RFC1: variants seen among roughly 807,000 people sequenced by gnomAD.
The protein encoded by RFC1 is replication factor C subunit 1.
In RFC1, 37 loss-of-function variants were observed where a neutral mutation model predicts 137.4. The observed-to-expected ratio is 0.27, with a 90% confidence interval of 0.21 to 0.35. The LOEUF (loss-of-function observed/expected upper bound fraction) is 0.35, where lower values mean the gene tolerates loss of function less well. Ranked by LOEUF, RFC1 falls within the 10% of genes least tolerant of loss-of-function variation. The pLI is 1.00. For missense variants in RFC1, 1,205 were observed against 1,358.5 expected (o/e 0.89, Z 1.78); for synonymous variants, 429 against 455.7 (o/e 0.94, Z 0.75).
At position 39,321,232 on chromosome 4, in the gene RFC1, G is replaced by T. The variant is rs1739504038; in HGVS notation, c.808+55C>A. 29 of 1,310,496 alleles carry T rather than the reference G, an allele frequency of 2.2e-5. No homozygotes were observed. In the East Asian group the frequency reaches 6.7e-4, roughly 30 times the overall value. The allele number at this position is 1,310,496 out of a possible 1,614,324, so 81.2% of individuals were successfully genotyped here. A position where few individuals can be genotyped will look rare whatever the true frequency, so the allele number is the denominator to read the frequency against. ...TAGGATACTTAAACAAGATTATCAT[G>T]AATTTACTTCCATGAAGACAAGTGC... On this transcript the variant is annotated intron_variant, in intron 8 of 24. Transcript: ENST00000349703.
Position 39,291,663 on chromosome 4 carries a change from A to T in RFC1, c.3144T>A (p.Ser1048Arg). The change falls in exon 23 of 25, where the codon AGT becomes AGA. Residue 1048 changes from serine (S) to arginine (R), a missense_variant. Physicochemically the swap from Ser to Arg is moderately radical, Grantham distance 110 (BLOSUM62 -1). Coordinates refer to ENST00000349703, the MANE Select transcript of RFC1 (RefSeq NM_002913.5). ...MEISSWGGKP[S>R]PFSKLDPKVK... is the part of the protein sequence containing the mutation. The stretch of plus-strand genomic sequence containing the variant: ...CCTTGGGATCCAGCTTTGAAAAGGG[A>T]CTAGGTTTGCCACCCCAGCTGCTGA... 6.2e-7 allele frequency: 1 copy of T among 1,613,802 alleles called. No homozygotes were observed. Among genetic ancestry groups the T allele is most frequent in the Non-Finnish European group, 8.5e-7 (1 of 1,179,690 alleles).
In RFC1 at chr4:39,308,726, T is replaced by C. The variant is rs562481131; in HGVS notation, c.1795A>G (p.Ile599Val). 6.8e-6 allele frequency: 11 copies of C among 1,614,078 alleles called. No homozygotes were observed. Among genetic ancestry groups the C allele is most frequent in the Non-Finnish European group, 9.3e-6 (11 of 1,180,032 alleles). The part of the protein sequence containing the change: ...KYKPTSLKTI[I>V]GQQGDQSCAN... ...CAGCTCTGGTCACCTTGCTGTCCAA[T>C]TATGGTCTTGAGCGAGGTTGGCTTA... The change falls in exon 13 of 25, where the codon ATT becomes GTT. Residue 599 changes from isoleucine to valine, a missense_variant. This residue lies in a region of RFC1 where 962 missense variants were observed against 1,035.3 expected (regional missense o/e 0.93). Transcript: ENST00000349703.
intron 2 of RFC1, among the ~76,000 whole-genome samples, chr4:39,347,215 T>C (rs981609102): frequency 2.0e-5 from 3 of 152,232 alleles, no homozygotes; most frequent in Non-Finnish European, 2.9e-5. Context: ...TGTTTTTGAA[T>C]GAGCTTAATA....
rs767518528 is a variant in RFC1 at position 39,308,847 on chromosome 4, C to A, written c.1674G>T (p.Gln558His). ...VFWKSLDFKE[Q>H]VAEETSGDSK... ...TGTCACCACTTGTCTCCTCAGCCAC[C>A]TGCTCCTTGAAATCCAGGCTTTTCC... Residue 558 changes from glutamine (Q) to histidine (H), a missense_variant, in exon 13 of 25, where the codon CAG becomes CAT. Coordinates refer to ENST00000349703, the MANE Select transcript of RFC1 (RefSeq NM_002913.5). 6.2e-7 allele frequency: 1 copy of A among 1,614,194 alleles called. No homozygotes were observed. Among genetic ancestry groups the A allele is most frequent in the South Asian group, 1.1e-5 (1 of 91,074 alleles).
At chr4:39,354,111 C>G (rs1741343735) in intron 1 of RFC1, among the ~76,000 whole-genome samples, 1 of 152,222 alleles carries the variant, frequency 6.6e-6, no homozygotes, top group Non-Finnish European at 1.5e-5. Context: ...CTCCCCTAAA[C>G]TCCCCCACAC....
In RFC1 at chr4:39,329,171, A is replaced by G. The variant is rs1739955101; in HGVS notation, c.332-1415T>C. Reference sequence around the variant, plus strand: ...AAAAAAAAGCTTTTCGATTTGGCCTATAAACAAAAGAAATCCAATAAAAAT... The same window carrying G: ...AAAAAAAAGCTTTTCGATTTGGCCTGTAAACAAAAGAAATCCAATAAAAAT... On this transcript the variant is annotated intron_variant, in intron 4 of 24. Transcript: ENST00000349703. 3.1e-5 allele frequency among the ~76,000 whole-genome samples: 4 copies of G among 130,840 alleles called. No individual in the cohort carries two copies. In the Admixed American group the frequency reaches 3.1e-4, roughly 10 times the overall value. The allele number at this position is 130,840 out of a possible 152,430, so 85.8% of individuals were successfully genotyped here. A position where few individuals can be genotyped will look rare whatever the true frequency, so the allele number is the denominator to read the frequency against.
At chr4:39,345,291 G>A (rs556341841) in intron 3 of RFC1, 110 bp downstream of exon 3, 11 of 837,536 alleles carry the variant, frequency 1.3e-5, no homozygotes, top group East Asian at 2.9e-5. Context: ...CTGCGATTGC[G>A]ATTACAGGCA....
At chr4:39,292,767 A>C (rs562986792) in intron 22 of RFC1, among the ~76,000 whole-genome samples, 43 of 151,274 alleles carry the variant, frequency 2.8e-4, no homozygotes, top group African/African-American at 9.5e-4. Context: ...TTAGCCTCCC[A>C]AGTAGCTGGG....
intron 10 of RFC1, among the ~76,000 whole-genome samples, chr4:39,313,621 G>A (rs1396497398): frequency 6.6e-6 from 1 of 152,144 alleles, no homozygotes; most frequent in Non-Finnish European, 1.5e-5. Flanking sequence ...GGATTGTGGT[G>A]TGGCATATCT....
chr4:39,328,839 G>C (rs1560608982), intron 4 of RFC1, among the ~76,000 whole-genome samples: 1 of 152,088 alleles, frequency 6.6e-6, no homozygotes, highest in Non-Finnish European at 1.5e-5. Flanking sequence ...CACTTAGAAA[G>C]CTACTGCAGT....
rs1737952036 is a variant in RFC1, at chr4:39,295,727, C to T, written c.2841G>A (p.Leu947=). The T allele has an allele frequency of 6.2e-7, 1 of 1,613,066 alleles. No individual in the cohort carries two copies. The highest frequency in any genetic ancestry group is 1.1e-5 in the South Asian group (1 of 90,832). Residue 947 remains leucine (L), a synonymous_variant, in exon 22 of 25, where the codon TTG becomes TTA. Transcript: ENST00000349703. ...GAAACTGGGTCATGTACCCCCTCAT[C>T]AACTCTCCAGGAAGAACACTGGCAT... is the stretch of plus-strand genomic sequence containing the variant. The part of the protein sequence containing the change: ...AIYASVLPGE[L]MRGYMTQFPT...
At chr4:39,359,977 C>A (rs1485711296) in intron 1 of RFC1, among the ~76,000 whole-genome samples, 2 of 151,994 alleles carry the variant, frequency 1.3e-5, no homozygotes, top group Non-Finnish European at 2.9e-5. Context: ...AGAACTTACT[C>A]ATGTAACCAA....
chr4:39,342,308 C>T (rs1740639364), intron 4 of RFC1, 37 bp downstream of exon 4: 2 of 1,579,960 alleles, frequency 1.3e-6, no homozygotes, highest in Non-Finnish European at 1.7e-6. Context: ...AAGAACATAA[C>T]ACACACGGCA....
At chr4:39,307,224 A>G (rs981184426) in intron 13 of RFC1, among the ~76,000 whole-genome samples, 1 of 152,224 alleles carries the variant, frequency 6.6e-6, no homozygotes, top group Non-Finnish European at 1.5e-5. Flanking sequence ...GGTCACAAGA[A>G]GAAAAAATGA....
intron 2 of RFC1, among the ~76,000 whole-genome samples, chr4:39,346,302 C>T (rs980917817): frequency 1.3e-5 from 2 of 152,158 alleles, no homozygotes; most frequent in Admixed American, 6.6e-5. Context: ...CATGAAGAAA[C>T]TCCGTCTCTA....
intron 24 of RFC1, 43 bp downstream of exon 24, chr4:39,289,805 T>C: frequency 7.7e-7 from 1 of 1,301,902 alleles, no homozygotes; most frequent in Admixed American, 1.7e-5. Flanking sequence ...CAAGGAAAGA[T>C]CATCTATTTT....
chr4:39,343,794 T>C (rs1740718164), intron 3 of RFC1, among the ~76,000 whole-genome samples: 1 of 152,174 alleles, frequency 6.6e-6, no homozygotes, highest in African/African-American at 2.4e-5. Context: ...AATCCTTCTT[T>C]AGGCACATTT....
chr4:39,305,076 G>A, intron 14 of RFC1, 148 bp from the exon 15 acceptor site: 2 of 645,492 alleles, frequency 3.1e-6, no homozygotes, highest in Non-Finnish European at 5.6e-6. Context: ...AACAGACAAT[G>A]AGATTAACTA....
intron 15 of RFC1, among the ~76,000 whole-genome samples, chr4:39,304,049 A>C (rs2109615542): frequency 6.6e-6 from 1 of 152,170 alleles, no homozygotes; most frequent in Admixed American, 6.5e-5. Flanking sequence ...ATATTGCTGG[A>C]CTCTCTCCAG....
Sources: allele counts gnomAD v4.1 joint callset (sites outside exome capture counted in the v4.1 genomes callset), GRCh38; gene constraint gnomAD v4.1.1; regional missense constraint gnomAD v4.1.1; transcripts MANE v1.5; gene names NCBI Gene and HGNC (gene_info 2026-07-23, HGNC 2026-07-21).